The following PRTFDC1 variants were observed in gnomAD, a reference collection of about 807,000 sequenced individuals.
The protein encoded by PRTFDC1 is phosphoribosyltransferase domain-containing protein 1.
In PRTFDC1, 38 loss-of-function variants were observed where a neutral mutation model predicts 34.6. The ratio of observed to expected loss-of-function variants is 1.10; its 90% CI spans 0.85 to 1.44. The LOEUF (loss-of-function observed/expected upper bound fraction) is 1.44, where lower values mean the gene tolerates loss of function less well. Among genes scored for constraint, PRTFDC1 ranks in the 40% most tolerant of loss-of-function variants. The pLI, the probability that PRTFDC1 is intolerant of heterozygous loss-of-function variation, is 0.00. For missense variants in PRTFDC1, 270 were observed against 283.0 expected (o/e 0.95, Z 0.33); for synonymous variants, 93 against 98.1 (o/e 0.95, Z 0.31).
At chr10:24,930,092 C>T (rs1848948859) in intron 3 of PRTFDC1, among the ~76,000 whole-genome samples, 1 of 152,122 alleles carries the variant, frequency 6.6e-6, no homozygotes, top group African/African-American at 2.4e-5. Flanking sequence ...CACACACACA[C>T]ACAATCGGGT....
chr10:24,945,893 C>T (rs1849243992), intron 1 of PRTFDC1, among the ~76,000 whole-genome samples: 1 of 152,208 alleles, frequency 6.6e-6, no homozygotes, highest in Admixed American at 6.5e-5. Flanking sequence ...TAACCTCTAA[C>T]ACTACAGCAG....
intron 8 of PRTFDC1, among the ~76,000 whole-genome samples, chr10:24,850,882 A>G (rs1847474529): frequency 6.6e-6 from 1 of 152,178 alleles, no homozygotes; most frequent in African/African-American, 2.4e-5. Context: ...TGATTGGTCC[A>G]CTATGGGTAA....
chr10:24,907,489 G>A (rs541853548), intron 3 of PRTFDC1, among the ~76,000 whole-genome samples: 3 of 152,238 alleles, frequency 2.0e-5, no homozygotes, highest in Non-Finnish European at 4.4e-5. Context: ...CCCATTACTC[G>A]GGAGGCTGAG....
Position 24,849,147 on chromosome 10 carries a change from T to C in PRTFDC1, c.*697A>G, listed in dbSNP as rs550840527. 6.6e-6 allele frequency: 1 copy of C among 152,570 alleles called. No homozygotes were observed. The highest frequency in any genetic ancestry group is 1.5e-5 in the Non-Finnish European group (1 of 68,020). The allele number at this position is 152,570 out of a possible 1,614,324, so 9.5% of individuals were successfully genotyped here. On this transcript the variant is annotated 3_prime_UTR_variant, in exon 9 of 9. Transcript: ENST00000320152. ...ATTTTTTTCTAATTAAAATTCAGAG[T>C]ATTAAACACAGTTGAGTACATCCAT...
At chr10:24,890,366 C>A (rs1054135531) in intron 3 of PRTFDC1, among the ~76,000 whole-genome samples, 5 of 152,246 alleles carry the variant, frequency 3.3e-5, no homozygotes, top group African/African-American at 1.2e-4. Context: ...AGACATTCCA[C>A]TGAGGCTGCA....
intron 3 of PRTFDC1, among the ~76,000 whole-genome samples, chr10:24,904,261 TACACACACAC>T (rs10585982): frequency 5.4e-5 from 8 of 148,276 alleles, no homozygotes; most frequent in East Asian, 4.0e-4. Flanking sequence ...TAAAATGTAA[TACACACACAC>T]ACACACACAC....
intron 3 of PRTFDC1, among the ~76,000 whole-genome samples, chr10:24,923,900 C>G (rs1200052288): frequency 2.6e-5 from 4 of 152,026 alleles, no homozygotes; most frequent in African/African-American, 7.2e-5. Context: ...AGCTAAAAAC[C>G]TTGAAAAAAG....
chr10:24,886,430 T>C (rs10741070), intron 3 of PRTFDC1, among the ~76,000 whole-genome samples: 131,291 of 152,168 alleles, frequency 0.86, 56,879 homozygotes, highest in African/African-American at 0.93. Context: ...AGATTTCACA[T>C]ACGACCCCAT....
At chr10:24,943,860 C>T (rs1458591152) in intron 1 of PRTFDC1, among the ~76,000 whole-genome samples, 1 of 152,090 alleles carries the variant, frequency 6.6e-6, no homozygotes, top group Non-Finnish European at 1.5e-5. Flanking sequence ...CCTCAGTTTC[C>T]CATTCTTTAC....
intron 2 of PRTFDC1, among the ~76,000 whole-genome samples, chr10:24,941,845 G>T (rs977677575): frequency 6.6e-6 from 1 of 152,106 alleles, no homozygotes; most frequent in Non-Finnish European, 1.5e-5. Flanking sequence ...ACAAAAAAAG[G>T]TTGCTTTAAT....
At chr10:24,877,262 T>TGG (rs932620009) in intron 3 of PRTFDC1, among the ~76,000 whole-genome samples, 1 of 152,152 alleles carries the variant, frequency 6.6e-6, no homozygotes, top group Non-Finnish European at 1.5e-5. Context: ...CTCAAACAAC[T>TGG]GGGCTACAGT....
chr10:24,870,901 G>A (rs568939432), intron 4 of PRTFDC1, among the ~76,000 whole-genome samples: 98 of 151,736 alleles, frequency 6.5e-4, no homozygotes, highest in South Asian at 4.2e-3. Context: ...GTGAAACCCC[G>A]TCTCTACTAA....
intron 3 of PRTFDC1, among the ~76,000 whole-genome samples, chr10:24,933,356 AAT>A (rs1848997428): frequency 6.6e-6 from 1 of 152,068 alleles, no homozygotes. Context: ...TCTAATAAAA[AAT>A]TCATGGCCAA....
At chr10:24,919,503 A>C (rs1379144896) in intron 3 of PRTFDC1, among the ~76,000 whole-genome samples, 1 of 152,240 alleles carries the variant, frequency 6.6e-6, no homozygotes, top group Non-Finnish European at 1.5e-5. Context: ...TAAAGACTTA[A>C]ATGGAAAACC....
chr10:24,897,217 T>A (rs1848382784), intron 3 of PRTFDC1, among the ~76,000 whole-genome samples: 1 of 151,882 alleles, frequency 6.6e-6, no homozygotes, highest in African/African-American at 2.4e-5. Flanking sequence ...AAAAAATAAA[T>A]AAATAAATGA....
chr10:24,904,602 T>A (rs111819893), intron 3 of PRTFDC1, among the ~76,000 whole-genome samples: 1 of 152,174 alleles, frequency 6.6e-6, no homozygotes, highest in African/African-American at 2.4e-5. Context: ...TTGGATCACC[T>A]GGCTCCCTGA....
rs114458888 is a variant in PRTFDC1 at position 24,908,667 on chromosome 10, T to C, written c.339+28517A>G. 2,280 of 1,608,272 alleles carry C rather than the reference T, an allele frequency of 1.4e-3. 34 individuals carry two copies. The African/African-American group carries it at 0.027, about 19-fold the overall frequency. On this transcript the variant is annotated intron_variant, in intron 3 of 8. Transcript: ENST00000320152. The stretch of plus-strand genomic sequence containing the variant: ...CCTCCTCTATCACAGATGGTTGTCC[T>C]CTTCAACCGAGCACGCAGCTTTGGG...
chr10:24,861,839 T>G (rs1415336058), intron 4 of PRTFDC1, among the ~76,000 whole-genome samples: 1 of 152,078 alleles, frequency 6.6e-6, no homozygotes, highest in African/African-American at 2.4e-5. Context: ...AGGATCTCGA[T>G]CATAGCTCCC....
chr10:24,880,835 C>CT lies in PRTFDC1; in HGVS notation c.340-8773dup, dbSNP rs200944447. On this transcript the variant is annotated intron_variant, in intron 3 of 8. Coordinates refer to ENST00000320152, the MANE Select transcript of PRTFDC1 (RefSeq NM_020200.7). ...TTTCTCTTTCTTTCTTTCTTTCTTT[C>CT]TTTCTTTCTTTCTTTCTTTCTTTCT... Among the ~76,000 whole-genome samples the CT allele has an allele frequency of 2.0e-4, 27 of 137,560 alleles. No homozygotes were observed. The East Asian group carries it at 2.1e-3, about 11-fold the overall frequency. 90.2% of individuals were successfully genotyped at this position (137,560 alleles called of 152,430 possible).
Sources: gnomAD v4.1 joint callset for allele counts (sites outside exome capture counted in the v4.1 genomes callset) on GRCh38, gnomAD v4.1.1 for gene constraint, MANE v1.5 for transcripts, NCBI Gene and HGNC (gene_info 2026-07-23, HGNC 2026-07-21) for gene names.